Variants in HDAC9 observed in about 807,000 individuals in gnomAD.
HDAC9 encodes the protein histone deacetylase 9.
A neutral mutation model predicts 139.4 loss-of-function variants in HDAC9; 41 were observed. The observed-to-expected ratio is 0.29, with a 90% CI of 0.23 to 0.38. The LOEUF is 0.38. Ranked by LOEUF, HDAC9 falls within the 10% of genes least tolerant of loss-of-function variation. The pLI is 1.00. For synonymous variants in HDAC9, 517 were observed against 476.2 expected, an observed-to-expected ratio of 1.09 and a Z score of -1.12; for missense variants, 1,147 against 1,297.0, an observed-to-expected ratio of 0.88 and a Z score of 1.78.
chr7:18,720,113 A>G (rs1785032423), intron 12 of HDAC9, among the ~76,000 whole-genome samples: 1 of 152,144 alleles, frequency 6.6e-6, no homozygotes, highest in Non-Finnish European at 1.5e-5. Context: ...TAGAGTTTAT[A>G]TATGTGACCT....
chr7:18,737,951 G>C (rs998520562), intron 13 of HDAC9, among the ~76,000 whole-genome samples: 1 of 152,130 alleles, frequency 6.6e-6, no homozygotes, highest in Non-Finnish European at 1.5e-5. Context: ...TCCTGCATTG[G>C]GTGCATATAT....
intron 1 of HDAC9, among the ~76,000 whole-genome samples, chr7:18,363,213 C>T (rs1020415577): frequency 2.6e-5 from 4 of 152,178 alleles, no homozygotes; most frequent in African/African-American, 4.8e-5. Flanking sequence ...ATTTTCACCA[C>T]GGTAGATTTT....
chr7:18,942,548 T>C (rs1387063285), intron 23 of HDAC9, among the ~76,000 whole-genome samples: 1 of 152,060 alleles, frequency 6.6e-6, no homozygotes, highest in African/African-American at 2.4e-5. Context: ...CAGCATTTTG[T>C]TTGTTTGTTT....
Position 18,996,102 on chromosome 7 carries a change from C to A in HDAC9, c.*40C>A, listed in dbSNP as rs770004013. On this transcript the variant is annotated 3_prime_UTR_variant, in exon 26 of 26. Coordinates refer to ENST00000686413, the MANE Select transcript of HDAC9 (RefSeq NM_178425.4). The stretch of plus-strand genomic sequence containing the variant: ...CTCTGATATTTCCTGTGTGTGACAT[C>A]ATTGTGTATCCCCCCACCCCAGTAC... The A allele has an allele frequency of 3.4e-6, 5 of 1,483,690 alleles. No individual in the cohort carries two copies. The highest frequency in any genetic ancestry group is 3.6e-5 in the Admixed American group (2 of 55,640). 91.9% of individuals were successfully genotyped at this position (1,483,690 alleles called of 1,614,324 possible).
intron 12 of HDAC9, among the ~76,000 whole-genome samples, chr7:18,720,198 A>G (rs1785038332): frequency 6.6e-6 from 1 of 152,052 alleles, no homozygotes; most frequent in South Asian, 2.1e-4. Context: ...GTTCTTTCTT[A>G]TATTTTAATT....
intron 1 of HDAC9, among the ~76,000 whole-genome samples, chr7:18,105,148 AG>A (rs1266624094): frequency 3.8e-5 from 3 of 78,764 alleles, no homozygotes; most frequent in Admixed American, 1.4e-4. Context: ...ATCTACATCT[AG>A]GATGCTTTCT....
At chr7:18,320,699 G>A (rs1799961976) in intron 1 of HDAC9, among the ~76,000 whole-genome samples, 2 of 152,148 alleles carry the variant, frequency 1.3e-5, no homozygotes. Flanking sequence ...GTCCTTTAGT[G>A]AATTTCTGAG....
intron 21 of HDAC9, among the ~76,000 whole-genome samples, chr7:18,869,641 C>T (rs752664685): frequency 1.3e-5 from 2 of 152,098 alleles, no homozygotes; most frequent in Non-Finnish European, 2.9e-5. Context: ...AGGTAGATAG[C>T]GCTGAAACTG....
intron 1 of HDAC9, among the ~76,000 whole-genome samples, chr7:18,092,576 G>A (rs1364421121): frequency 6.6e-6 from 1 of 152,044 alleles, no homozygotes; most frequent in African/African-American, 2.4e-5. Flanking sequence ...TCATAAAAGA[G>A]AGGATTCTCC....
intron 1 of HDAC9, among the ~76,000 whole-genome samples, chr7:18,400,523 C>T (rs1787442136): frequency 6.6e-6 from 1 of 152,114 alleles, no homozygotes; most frequent in South Asian, 2.1e-4. Flanking sequence ...TGAAGTTGGA[C>T]ATGGGGTCAT....
chr7:18,915,824 G>A (rs1308095876), intron 22 of HDAC9, among the ~76,000 whole-genome samples: 2 of 151,368 alleles, frequency 1.3e-5, no homozygotes, highest in Non-Finnish European at 2.9e-5. Flanking sequence ...CTCTATTTAT[G>A]GTTTTTTTGT....
At chr7:18,197,897 A>G (rs1584585910) in intron 2 of HDAC9, among the ~76,000 whole-genome samples, 2 of 152,182 alleles carry the variant, frequency 1.3e-5, no homozygotes, top group South Asian at 2.1e-4. Context: ...TTGCACTTAG[A>G]TATAGAGACT....
chr7:18,512,225 G>A, intron 2 of HDAC9, among the ~76,000 whole-genome samples: 1 of 151,918 alleles, frequency 6.6e-6, no homozygotes. Context: ...ATTGTCTTTG[G>A]ATGTCCTAGT....
chr7:18,252,137 T>A (rs946838542), intron 2 of HDAC9, among the ~76,000 whole-genome samples: 1 of 152,190 alleles, frequency 6.6e-6, no homozygotes, highest in Non-Finnish European at 1.5e-5. Context: ...TTCATGAAGT[T>A]AGCATTCAGT....
chr7:18,106,975 C>T (rs775547199), intron 1 of HDAC9, among the ~76,000 whole-genome samples: 15 of 152,192 alleles, frequency 9.9e-5, no homozygotes, highest in Non-Finnish European at 1.9e-4. Context: ...CTTATACCAC[C>T]TTTGCAATCA....
chr7:18,624,462 A>G (rs1282225894), intron 6 of HDAC9, among the ~76,000 whole-genome samples: 2 of 152,194 alleles, frequency 1.3e-5, no homozygotes, highest in African/African-American at 4.8e-5. Context: ...ATGAGCACAC[A>G]CACTAAAAAG....
intron 22 of HDAC9, among the ~76,000 whole-genome samples, chr7:18,887,209 G>GT (rs1300529240): frequency 6.6e-6 from 1 of 152,164 alleles, no homozygotes; most frequent in Non-Finnish European, 1.5e-5. Flanking sequence ...ACAAGCATCA[G>GT]TATCACCTGG....
chr7:18,948,073 C>T (rs1782526422), intron 23 of HDAC9, among the ~76,000 whole-genome samples: 1 of 151,838 alleles, frequency 6.6e-6, no homozygotes, highest in South Asian at 2.1e-4. Flanking sequence ...TGTTTATTAA[C>T]TTGATAAAGG....
chr7:18,492,906 A>G (rs1796473387), upstream of HDAC9, among the ~76,000 whole-genome samples: 1 of 151,952 alleles, frequency 6.6e-6, no homozygotes, highest in African/African-American at 2.4e-5. Flanking sequence ...TAAGTATCCA[A>G]TGTCTTTTCA....
Sources: allele counts gnomAD v4.1 joint callset (sites outside exome capture counted in the v4.1 genomes callset), GRCh38; gene constraint gnomAD v4.1.1; transcripts MANE v1.5; gene names NCBI Gene and HGNC (gene_info 2026-07-23, HGNC 2026-07-21).